The following TXLNA variants were observed in gnomAD, a reference collection of about 807,000 sequenced individuals.
TXLNA encodes the protein taxilin alpha, also known as alpha-taxilin.
A neutral mutation model predicts 61.4 loss-of-function variants in TXLNA; 9 were observed. That is an observed-to-expected ratio of 0.15 (90% CI 0.09 to 0.26). TXLNA has a LOEUF of 0.26. Among genes scored for constraint, TXLNA ranks in the 10% least tolerant of loss-of-function variants. The pLI, the probability that TXLNA is intolerant of heterozygous loss-of-function variation, is 1.00. For synonymous variants in TXLNA, 257 were observed against 267.7 expected, an observed-to-expected ratio of 0.96 and a Z score of 0.39; for missense variants, 565 against 688.8, an observed-to-expected ratio of 0.82 and a Z score of 2.01.
chr1:32,193,157 G>A (rs772168111), intron 8 of TXLNA, 51 bp from the exon 9 acceptor site: 2 of 1,236,962 alleles, frequency 1.6e-6, no homozygotes, highest in Non-Finnish European at 2.4e-6. Context: ...GTTGACCAGA[G>A]TGCCTCCCAG....
chr1:32,190,274 A>G (rs1642877639), intron 6 of TXLNA, 25 bp downstream of exon 6: 1 of 1,565,458 alleles, frequency 6.4e-7, no homozygotes, highest in African/African-American at 1.3e-5. Context: ...GACAGCAGTC[A>G]TGGCCCAGAA....
At chr1:32,183,375 G>A (rs1176319640) in intron 3 of TXLNA, among the ~76,000 whole-genome samples, 2 of 146,818 alleles carry the variant, frequency 1.4e-5, no homozygotes, top group South Asian at 4.4e-4. Flanking sequence ...CCGCCCACCT[G>A]GGCCTCCCAA....
In TXLNA at chr1:32,181,510, G is replaced by T. The variant is rs753132430; in HGVS notation, c.438G>T (p.Arg146=). ...SKGDPNTEEI[R]QSDEVGDRDH... ...GGGATCCAAACACAGAAGAGATCCG[G>T]CAGAGTGACGAGGTCGGAGACCGAG... Residue 146 remains arginine, a synonymous_variant, in exon 3 of 11, where the codon CGG becomes CGT. Transcript: ENST00000373610. The T allele has an allele frequency of 1.2e-6, 2 of 1,602,586 alleles. No homozygotes were observed. The highest frequency in any genetic ancestry group is 2.2e-5 in the South Asian group (2 of 89,682).
At chr1:32,189,633 C>T (rs1026735591) in intron 5 of TXLNA, among the ~76,000 whole-genome samples, 8 of 151,942 alleles carry the variant, frequency 5.3e-5, no homozygotes, top group Admixed American at 2.6e-4. Context: ...CAACCTCCGC[C>T]TCCCAGGTTC....
chr1:32,185,622 G>A (rs1469888759), intron 4 of TXLNA, among the ~76,000 whole-genome samples: 13 of 143,300 alleles, frequency 9.1e-5, no homozygotes, highest in African/African-American at 3.2e-4. Flanking sequence ...GGATGGTCTC[G>A]ATCTCTTGAC....
In TXLNA at chr1:32,192,735, A is replaced by G; in HGVS notation, c.1158+4A>G. 1.9e-6 allele frequency: 3 copies of G among 1,614,064 alleles called. No individual in the cohort carries two copies. The highest frequency in any genetic ancestry group is 2.5e-6 in the Non-Finnish European group (3 of 1,179,908). Reference sequence around the variant, plus strand: ...AGAGACCCACCTGAAGCAACAGGTGAGAGCATATAACCTGACCCTGTGCCT... The same window carrying G: ...AGAGACCCACCTGAAGCAACAGGTGGGAGCATATAACCTGACCCTGTGCCT... On this transcript the variant is annotated splice_donor_region_variant and intron_variant, in intron 8 of 10. Transcript: ENST00000373610. The surrounding 1 kb of genome is among the most constrained non-coding windows in gnomAD (Gnocchi z 4.2).
chr1:32,191,663 CCCT>C (rs1642909454), intron 6 of TXLNA, among the ~76,000 whole-genome samples: 2 of 152,160 alleles, frequency 1.3e-5, no homozygotes, highest in Non-Finnish European at 2.9e-5. Flanking sequence ...GACACAGGCA[CCCT>C]CATCATACCC....
At position 32,196,419 on chromosome 1, in the gene TXLNA, ACTT is replaced by A. The variant is rs1395289055; in HGVS notation, c.*1229_*1231del. 3.3e-5 allele frequency: 5 copies of A among 152,232 alleles called. No individual in the cohort carries two copies. Among genetic ancestry groups the A allele is most frequent in the Non-Finnish European group, 7.4e-5 (5 of 68,026 alleles). 9.4% of individuals were successfully genotyped at this position (152,232 alleles called of 1,614,324 possible). On this transcript the variant is annotated 3_prime_UTR_variant, in exon 11 of 11. Transcript: ENST00000373610. ...CTCCCTGCCTGTCCTTGGGGATTCT[ACTT>A]CTTCCTGTGTGGGAGCCCATAGCTG... is the stretch of plus-strand genomic sequence containing the variant.
At chr1:32,194,306 C>A in intron 10 of TXLNA, 146 bp downstream of exon 10, 1 of 688,126 alleles carries the variant, frequency 1.5e-6, no homozygotes, top group Non-Finnish European at 2.5e-6. Context: ...AAAGTTAATG[C>A]TGTTCTCTCC....
rs371779212 is a variant in TXLNA at position 32,195,999 on chromosome 1, CTTTTTT to C, written c.*809_*814del. On this transcript the variant is annotated 3_prime_UTR_variant, in exon 11 of 11. Coordinates refer to ENST00000373610, the MANE Select transcript of TXLNA (RefSeq NM_175852.4). ...TTTCTTTTTTTTTTTTTTTCTTTTT[CTTTTTT>C]TTTTGCACATGACAGTGTTTGTATT... is the stretch of plus-strand genomic sequence containing the variant. 4 of 140,662 alleles carry C rather than the reference CTTTTTT, an allele frequency of 2.8e-5. No individual in the cohort carries two copies. The South Asian group carries it at 3.1e-4, about 11-fold the overall frequency. The allele number at this position is 140,662 out of a possible 1,614,324, so 8.7% of individuals were successfully genotyped here.
At position 32,180,328 on chromosome 1, in the gene TXLNA, C is replaced by A; in HGVS notation, c.-18C>A. The A allele has an allele frequency of 6.3e-7, 1 of 1,598,712 alleles. No individual in the cohort carries two copies. Among genetic ancestry groups the A allele is most frequent in the Non-Finnish European group, 8.5e-7 (1 of 1,174,274 alleles). ...TGTTTCTAAAGGATCTTCTCCTGACCCAGCATCGCTCATCACAATGAAGAA... is the reference window on the plus strand; with the variant it reads ...TGTTTCTAAAGGATCTTCTCCTGACACAGCATCGCTCATCACAATGAAGAA... On this transcript the variant is annotated 5_prime_UTR_variant, in exon 2 of 11. Transcript: ENST00000373610.
rs1047681989 is a variant in TXLNA, at chr1:32,195,543, C to G, written c.*348C>G. On this transcript the variant is annotated 3_prime_UTR_variant, in exon 11 of 11. Transcript: ENST00000373610. Reference sequence around the variant, plus strand: ...TGGCAGAAGTGACTTGAGCATTTCTCTGTCTGATTTGAGGCTCAGACCCCT... The same window carrying G: ...TGGCAGAAGTGACTTGAGCATTTCTGTGTCTGATTTGAGGCTCAGACCCCT... 2.3e-6 allele frequency: 1 copy of G among 432,928 alleles called. No individual in the cohort carries two copies. Among genetic ancestry groups the G allele is most frequent in the Admixed American group, 3.6e-5 (1 of 28,096 alleles). 26.8% of individuals were successfully genotyped at this position (432,928 alleles called of 1,614,324 possible). A position where few individuals can be genotyped will look rare whatever the true frequency, so the allele number is the denominator to read the frequency against.
At chr1:32,194,284 A>G (rs573841162) in intron 10 of TXLNA, 124 bp downstream of exon 10, 9 of 784,964 alleles carry the variant, frequency 1.1e-5, no homozygotes, top group African/African-American at 3.5e-5. Flanking sequence ...TTTGCACACA[A>G]TGTCCAAGTC....
rs1174538386 is a variant in TXLNA, at chr1:32,193,382, C to G, written c.1251+82C>G. The G allele has an allele frequency of 2.8e-6, 3 of 1,061,176 alleles. No homozygotes were observed. In the East Asian group the frequency reaches 7.2e-5, roughly 25 times the overall value. 65.7% of individuals were successfully genotyped at this position (1,061,176 alleles called of 1,614,324 possible). On this transcript the variant is annotated intron_variant, in intron 9 of 10. Coordinates refer to ENST00000373610, the MANE Select transcript of TXLNA (RefSeq NM_175852.4). ...TTGTTGGGCCTGCCTTCAGGAAGCTCCCATCTGGGGTGTCTCAAGGGCAGG... is the reference window on the plus strand; with the variant it reads ...TTGTTGGGCCTGCCTTCAGGAAGCTGCCATCTGGGGTGTCTCAAGGGCAGG...
rs1339434391 is a variant in TXLNA at position 32,195,068 on chromosome 1, C to T, written c.1514C>T (p.Pro505Leu). 1 of 1,614,128 alleles carries T rather than the reference C, an allele frequency of 6.2e-7. No individual in the cohort carries two copies. The highest frequency in any genetic ancestry group is 1.7e-5 in the Admixed American group (1 of 60,034). The change falls in exon 11 of 11, where the codon CCA becomes CTA. Residue 505 changes from proline (P) to leucine (L), a missense_variant. This residue lies in a region of TXLNA where 373 missense variants were observed against 504.0 expected (regional missense o/e 0.74). Transcript: ENST00000373610. ...ACTGACAGTGGCCCTGAGAGGAGGC[C>T]AGAGGGGCCTGGGGCTCAAGCACCC... ...SLTDSGPERR[P>L]EGPGAQAPSS...
Position 32,192,728 on chromosome 1 carries a change from A to G in TXLNA, c.1155A>G (p.Gln385=). The stretch of plus-strand genomic sequence containing the variant: ...AGCAGCAAGAGACCCACCTGAAGCA[A>G]CAGGTGAGAGCATATAACCTGACCC... The part of the protein sequence containing the change: ...LMKQQETHLK[Q]QLALYTEKFE... Residue 385 remains glutamine (Q), a synonymous_variant, in exon 8 of 11, where the codon CAA becomes CAG. Coordinates refer to ENST00000373610, the MANE Select transcript of TXLNA (RefSeq NM_175852.4). This position sits in a 1 kb window ranked among gnomAD's most constrained non-coding sequence, Gnocchi z 4.2. 1 of 1,614,172 alleles carries G rather than the reference A, an allele frequency of 6.2e-7. No homozygotes were observed. Among genetic ancestry groups the G allele is most frequent in the Non-Finnish European group, 8.5e-7 (1 of 1,179,990 alleles).
rs550402469 is a variant in TXLNA, at chr1:32,197,568, A to T, written c.*2373A>T. On this transcript the variant is annotated 3_prime_UTR_variant, in exon 11 of 11. Coordinates refer to ENST00000373610, the MANE Select transcript of TXLNA (RefSeq NM_175852.4). This position sits in a 1 kb window ranked among gnomAD's most constrained non-coding sequence, Gnocchi z 4.6. ...CAAAGTAGCCCAGGTCCTGGGCCAG[A>T]TGCAGGGGAGGTGCCTATCCATGAG... is the stretch of plus-strand genomic sequence containing the variant. 2 of 152,412 alleles carry T rather than the reference A, an allele frequency of 1.3e-5. No individual in the cohort carries two copies. Among genetic ancestry groups the T allele is most frequent in the South Asian group, 4.1e-4 (2 of 4,828 alleles). 9.4% of individuals were successfully genotyped at this position (152,412 alleles called of 1,614,324 possible).
chr1:32,180,325 G>T lies in TXLNA; in HGVS notation c.-21G>T. On this transcript the variant is annotated 5_prime_UTR_variant, in exon 2 of 11. Transcript: ENST00000373610. ...GTTTGTTTCTAAAGGATCTTCTCCT[G>T]ACCCAGCATCGCTCATCACAATGAA... 6.3e-7 allele frequency: 1 copy of T among 1,593,544 alleles called. No individual in the cohort carries two copies. The highest frequency in any genetic ancestry group is 1.1e-5 in the South Asian group (1 of 88,606).
chr1:32,193,458 A>G (rs990103166), intron 9 of TXLNA, among the ~76,000 whole-genome samples, 158 bp downstream of exon 9: 11 of 152,022 alleles, frequency 7.2e-5, no homozygotes, highest in African/African-American at 2.2e-4. Context: ...TATCAGTGGT[A>G]TGTATACACT....
Sources: allele counts gnomAD v4.1 joint callset (sites outside exome capture counted in the v4.1 genomes callset), GRCh38; gene constraint gnomAD v4.1.1; regional missense constraint gnomAD v4.1.1; non-coding constraint Gnocchi (gnomAD v3.1); transcripts MANE v1.5; gene names NCBI Gene and HGNC (gene_info 2026-07-23, HGNC 2026-07-21).